Variants in NFIB observed in about 807,000 individuals in gnomAD.
NFIB encodes the protein nuclear factor I B.
A neutral mutation model predicts 61.5 loss-of-function variants in NFIB; 11 were observed. That is an observed-to-expected ratio of 0.18 (90% CI 0.11 to 0.30). The LOEUF (loss-of-function observed/expected upper bound fraction) is 0.30, where lower values mean the gene tolerates loss of function less well. NFIB is among the 10% of genes least tolerant of loss of function. The pLI is 1.00. For synonymous variants in NFIB, 260 were observed against 216.5 expected (o/e 1.20, Z -1.76); for missense variants, 471 against 608.9 (o/e 0.77, Z 2.38).
the NFIB span, among the ~76,000 whole-genome samples, chr9:14,470,481 T>A: frequency 6.6e-6 from 1 of 152,196 alleles, no homozygotes; most frequent in South Asian, 2.1e-4. Context: ...AATTGTCCTA[T>A]CTACCTTTTA....
intron 2 of NFIB, among the ~76,000 whole-genome samples, chr9:14,290,618 C>T (rs573626792): frequency 7.2e-5 from 11 of 152,142 alleles, no homozygotes; most frequent in African/African-American, 2.4e-4. Flanking sequence ...CTAATACAGA[C>T]CCTGTAATTC....
intron 2 of NFIB, among the ~76,000 whole-genome samples, chr9:14,245,218 A>G (rs2054780739): frequency 2.0e-5 from 3 of 152,206 alleles, no homozygotes; most frequent in Admixed American, 1.3e-4. Flanking sequence ...TGTTAAGGAA[A>G]CTAACATTTA....
At chr9:14,423,865 G>C in the NFIB span, among the ~76,000 whole-genome samples, 13 of 152,200 alleles carry the variant, frequency 8.5e-5, no homozygotes, top group African/African-American at 2.9e-4. Context: ...TTTTTATATT[G>C]AAAGTCATGA....
At chr9:14,265,169 T>G (rs899313209) in intron 2 of NFIB, among the ~76,000 whole-genome samples, 4 of 152,192 alleles carry the variant, frequency 2.6e-5, no homozygotes, top group African/African-American at 9.7e-5. Flanking sequence ...TCTACCACTA[T>G]AGATTGGATA....
chr9:14,224,444 T>C (rs1252596937), intron 2 of NFIB, among the ~76,000 whole-genome samples: 1 of 152,264 alleles, frequency 6.6e-6, no homozygotes, highest in Non-Finnish European at 1.5e-5. Flanking sequence ...TATCTTAGTC[T>C]CTTCCAGAAT....
At chr9:14,450,123 C>A in the NFIB span, among the ~76,000 whole-genome samples, 1 of 152,012 alleles carries the variant, frequency 6.6e-6, no homozygotes, top group Non-Finnish European at 1.5e-5. Context: ...TCCCCCAGCC[C>A]CCTACACTCC....
the NFIB span, among the ~76,000 whole-genome samples, chr9:14,462,244 A>G: frequency 6.6e-6 from 1 of 151,828 alleles, no homozygotes; most frequent in Non-Finnish European, 1.5e-5. Context: ...ATTGTGCTGA[A>G]TCACGGTATG....
chr9:14,513,451 A>C, the NFIB span, among the ~76,000 whole-genome samples: 1 of 151,860 alleles, frequency 6.6e-6, no homozygotes, highest in African/African-American at 2.4e-5. Flanking sequence ...AACATGGTGA[A>C]ACCTCGTCTC....
At chr9:14,185,852 A>C (rs540978069) in intron 2 of NFIB, among the ~76,000 whole-genome samples, 2 of 152,218 alleles carry the variant, frequency 1.3e-5, no homozygotes, top group Non-Finnish European at 2.9e-5. Flanking sequence ...AAATATTTGG[A>C]AACAAGATAG....
intron 6 of NFIB, among the ~76,000 whole-genome samples, chr9:14,128,683 A>C (rs1338268439): frequency 2.0e-5 from 3 of 149,692 alleles, no homozygotes; most frequent in African/African-American, 7.6e-5. Flanking sequence ...CGACAAGAAC[A>C]AAACTCTGTC....
At chr9:14,325,592 G>A (rs1345900489) in intron 1 of NFIB, among the ~76,000 whole-genome samples, 1 of 151,936 alleles carries the variant, frequency 6.6e-6, no homozygotes, top group African/African-American at 2.4e-5. Context: ...TTACCCCAAA[G>A]GTGTTTATTT....
At chr9:14,521,512 A>C in the NFIB span, among the ~76,000 whole-genome samples, 1 of 152,194 alleles carries the variant, frequency 6.6e-6, no homozygotes, top group East Asian at 1.9e-4. Flanking sequence ...TGGGAATTAC[A>C]TATACTTTTC....
chr9:14,401,904 T>C (rs2061746474), upstream of NFIB, among the ~76,000 whole-genome samples: 1 of 152,208 alleles, frequency 6.6e-6, no homozygotes, highest in Admixed American at 6.5e-5. Context: ...CCTACACCTT[T>C]TGCTTATATG....
At chr9:14,437,457 A>C in the NFIB span, among the ~76,000 whole-genome samples, 1 of 152,188 alleles carries the variant, frequency 6.6e-6, no homozygotes, top group Non-Finnish European at 1.5e-5. Context: ...CTTGTGCGGG[A>C]CATTAAACTA....
intron 2 of NFIB, among the ~76,000 whole-genome samples, chr9:14,193,001 G>A (rs749049338): frequency 3.3e-5 from 5 of 151,446 alleles, no homozygotes; most frequent in South Asian, 2.1e-4. Flanking sequence ...TAGATTTCAC[G>A]TGTTTGTTAT....
At chr9:14,427,934 G>GTTTTTTTTTTTT in the NFIB span, among the ~76,000 whole-genome samples, 59 of 25,968 alleles carry the variant, frequency 2.3e-3, 2 homozygotes, top group East Asian at 3.6e-3. Flanking sequence ...CTTTAATTCA[G>GTTTTTTTTTTTT]TTGTTTTTTT....
the NFIB span, among the ~76,000 whole-genome samples, chr9:14,531,746 C>A: frequency 6.6e-6 from 1 of 151,714 alleles, no homozygotes; most frequent in African/African-American, 2.4e-5. Flanking sequence ...AAGGCCTATG[C>A]CCCCGGCCAC....
intron 2 of NFIB, among the ~76,000 whole-genome samples, chr9:14,233,452 G>A (rs1348656148): frequency 1.4e-5 from 2 of 142,374 alleles, no homozygotes; most frequent in Non-Finnish European, 3.0e-5. Flanking sequence ...TTTTAAGATG[G>A]AGTCTCACTC....
the NFIB span, among the ~76,000 whole-genome samples, chr9:14,512,642 C>T: frequency 4.6e-5 from 7 of 151,970 alleles, no homozygotes; most frequent in South Asian, 4.1e-4. Context: ...TAATGTAGTG[C>T]TGAGTTCAAT....
Sources: allele counts gnomAD v4.1 joint callset (sites outside exome capture counted in the v4.1 genomes callset), GRCh38; gene constraint gnomAD v4.1.1; transcripts MANE v1.5; gene names NCBI Gene and HGNC (gene_info 2026-07-23, HGNC 2026-07-21).